The following C1QTNF3 variants were observed in gnomAD, a reference collection of about 807,000 sequenced individuals.
C1QTNF3 encodes complement C1q tumor necrosis factor-related protein 3.
A neutral mutation model predicts 32.6 loss-of-function variants in C1QTNF3; 26 were observed. That is an observed-to-expected ratio of 0.80 (90% CI 0.58 to 1.11). The LOEUF (loss-of-function observed/expected upper bound fraction) is 1.11. Among genes scored for constraint, C1QTNF3 ranks in the 50% least tolerant of loss-of-function variants. The probability of loss-of-function intolerance (pLI) is 0.00; values close to 1 mark genes in which losing one functional copy is unlikely to be tolerated. For missense variants in C1QTNF3, 362 were observed against 398.2 expected (o/e 0.91, Z 0.77); for synonymous variants, 155 against 146.0 (o/e 1.06, Z -0.44).
chr5:34,035,478 A>G (rs554405929), intron 2 of C1QTNF3, among the ~76,000 whole-genome samples, 169 bp downstream of exon 2: 1 of 152,358 alleles, frequency 6.6e-6, no homozygotes, highest in Admixed American at 6.5e-5. Context: ...TTCGGACTCA[A>G]TGCTGTTGAG....
the C1QTNF3 span, among the ~76,000 whole-genome samples, chr5:34,222,700 CA>C: frequency 6.6e-6 from 1 of 151,720 alleles, no homozygotes; most frequent in Non-Finnish European, 1.5e-5. Context: ...GAATGTTAGT[CA>C]AAAAAACTAC....
chr5:34,075,354 C>T, the C1QTNF3 span, among the ~76,000 whole-genome samples: 1 of 151,532 alleles, frequency 6.6e-6, no homozygotes, highest in African/African-American at 2.4e-5. Context: ...AATAAAGATC[C>T]TACCGGGAAA....
chr5:34,178,466 C>A, the C1QTNF3 span, among the ~76,000 whole-genome samples: 2 of 152,276 alleles, frequency 1.3e-5, no homozygotes, highest in African/African-American at 4.8e-5. Context: ...TCAACTCCAA[C>A]CCTGGAGTTA....
At chr5:34,141,340 G>A in the C1QTNF3 span, among the ~76,000 whole-genome samples, 1 of 152,070 alleles carries the variant, frequency 6.6e-6, no homozygotes, top group African/African-American at 2.4e-5. Flanking sequence ...GGATAGTCTC[G>A]ATCTCCTGAC....
chr5:34,059,628 T>C, the C1QTNF3 span, among the ~76,000 whole-genome samples: 2 of 152,218 alleles, frequency 1.3e-5, no homozygotes, highest in African/African-American at 4.8e-5. Flanking sequence ...AAAGCCCTCA[T>C]GACCTAATCA....
chr5:34,029,838 T>C (rs1384684404), intron 3 of C1QTNF3, among the ~76,000 whole-genome samples: 1 of 152,210 alleles, frequency 6.6e-6, no homozygotes, highest in Non-Finnish European at 1.5e-5. Context: ...TTAGGATAGA[T>C]TGTCATTCAT....
rs1359745760 is a variant in C1QTNF3, at chr5:34,023,946, G to A, written c.763C>T (p.Leu255Phe). The change falls in exon 5 of 6, where the codon CTT (leucine) becomes TTT (phenylalanine). Residue 255 changes from leucine (L) to phenylalanine (F), a missense_variant. Leu to Phe is a conservative substitution (Grantham distance 22). Coordinates refer to ENST00000382065, the MANE Select transcript of C1QTNF3 (RefSeq NM_181435.6). ...HEDVEEVYVYLMHNGNTVFSM... is the reference protein window; with the variant it reads ...HEDVEEVYVYFMHNGNTVFSM... ...AAGACTGTGTTGCCATTGTGCATAA[G>A]GTACACATACACTTCCTCAACATCC... 1.2e-6 allele frequency: 2 copies of A among 1,613,916 alleles called. No homozygotes were observed. Among genetic ancestry groups the A allele is most frequent in the Admixed American group, 1.7e-5 (1 of 59,998 alleles).
chr5:34,066,927 A>G, the C1QTNF3 span, among the ~76,000 whole-genome samples: 1 of 152,076 alleles, frequency 6.6e-6, no homozygotes, highest in African/African-American at 2.4e-5. Context: ...TATAAAACTG[A>G]ATGCTTTTAA....
At chr5:34,239,672 G>A in the C1QTNF3 span, among the ~76,000 whole-genome samples, 54 of 152,090 alleles carry the variant, frequency 3.6e-4, no homozygotes, top group African/African-American at 1.2e-3. Context: ...AAAGACAGAC[G>A]ACCACCCAAT....
At chr5:34,164,747 T>C in the C1QTNF3 span, 10 of 152,030 alleles carry the variant, frequency 6.6e-5, no homozygotes, top group Admixed American at 5.9e-4. Flanking sequence ...GTAATTATTA[T>C]ATACATTCAT....
chr5:34,019,806 G>GT lies in C1QTNF3; in HGVS notation c.*776dup, dbSNP rs1389043983. ...TTTCTCTAAGGTATTTATTAATAGTGTATGTTCTTCAGATATAAAATCCCT... is the reference window on the plus strand; with the variant it reads ...TTTCTCTAAGGTATTTATTAATAGTGTTATGTTCTTCAGATATAAAATCCCT... On this transcript the variant is annotated 3_prime_UTR_variant, in exon 6 of 6. Transcript: ENST00000382065. The GT allele has an allele frequency of 6.6e-6, 1 of 152,138 alleles. No individual in the cohort carries two copies. Among genetic ancestry groups the GT allele is most frequent in the Non-Finnish European group, 1.5e-5 (1 of 68,032 alleles). The allele number at this position is 152,138 out of a possible 1,614,324, so 9.4% of individuals were successfully genotyped here. A position where few individuals can be genotyped will look rare whatever the true frequency, so the allele number is the denominator to read the frequency against.
chr5:34,140,287 A>C, the C1QTNF3 span, among the ~76,000 whole-genome samples: 3 of 152,240 alleles, frequency 2.0e-5, no homozygotes, highest in Non-Finnish European at 4.4e-5. Context: ...GTGTGCTTCC[A>C]GTCTGAGCCA....
the C1QTNF3 span, among the ~76,000 whole-genome samples, chr5:34,114,286 T>C: frequency 6.6e-6 from 1 of 152,158 alleles, no homozygotes; most frequent in African/African-American, 2.4e-5. Context: ...AATGTATATT[T>C]TTCACTAAAG....
the C1QTNF3 span, among the ~76,000 whole-genome samples, chr5:34,207,864 T>C: frequency 6.6e-6 from 1 of 151,996 alleles, no homozygotes. Context: ...CTCAGCTTAC[T>C]GCAAACTCCG....
rs1414464440 is a variant in C1QTNF3, at chr5:34,043,178, G to A, written c.-53C>T. ...CTGAGAAGACAGCAGAGCTCCAGGA[G>A]CGTGGTCTCCTCGGGCAGATGCCAG... On this transcript the variant is annotated 5_prime_UTR_variant, in exon 1 of 6. Transcript: ENST00000382065. 6.4e-6 allele frequency: 10 copies of A among 1,557,140 alleles called. No homozygotes were observed. The highest frequency in any genetic ancestry group is 6.9e-6 in the Non-Finnish European group (8 of 1,154,324).
the C1QTNF3 span, among the ~76,000 whole-genome samples, chr5:34,056,477 TATAGAGAGAGAGAGAGAG>T: frequency 3.3e-4 from 29 of 87,260 alleles, no homozygotes; most frequent in East Asian, 1.4e-3. Flanking sequence ...TATATATATA[TATAGAGAGAGAGAGAGAG>T]AGAGAGAGAG....
the C1QTNF3 span, among the ~76,000 whole-genome samples, chr5:34,108,780 TA>T: frequency 6.8e-6 from 1 of 147,950 alleles, no homozygotes; most frequent in Non-Finnish European, 1.5e-5. Context: ...AGAACAATAA[TA>T]AAAAAGTCAG....
the C1QTNF3 span, among the ~76,000 whole-genome samples, chr5:34,119,490 T>A: frequency 1.4e-4 from 21 of 152,294 alleles, no homozygotes; most frequent in African/African-American, 4.8e-4. Context: ...TAAACAACTG[T>A]ATTGTTTTCT....
the C1QTNF3 span, among the ~76,000 whole-genome samples, chr5:34,234,862 A>C: frequency 5.9e-5 from 9 of 152,172 alleles, no homozygotes; most frequent in Admixed American, 6.5e-5. Flanking sequence ...TGCACTGATT[A>C]GTGCAATTTG....
Sources: allele counts gnomAD v4.1 joint callset (sites outside exome capture counted in the v4.1 genomes callset), GRCh38; gene constraint gnomAD v4.1.1; transcripts MANE v1.5; gene names NCBI Gene and HGNC (gene_info 2026-07-23, HGNC 2026-07-21).